The following SASH1 variants were observed in gnomAD, a reference collection of about 807,000 sequenced individuals.
The protein encoded by SASH1 is SAM and SH3 domain containing 1.
Under a neutral mutation model 125.2 loss-of-function variants are expected in SASH1, and 44 were observed. The ratio of observed to expected loss-of-function variants is 0.35; its 90% confidence interval spans 0.28 to 0.45. The LOEUF is 0.45. Ranked by LOEUF, SASH1 falls within the 20% of genes least tolerant of loss-of-function variation. The pLI is 1.00. For synonymous variants in SASH1, 639 were observed against 649.1 expected, an observed-to-expected ratio of 0.98 and a Z score of 0.24; for missense variants, 1,426 against 1,614.5, an observed-to-expected ratio of 0.88 and a Z score of 2.00.
chr6:148,290,504 G>A (rs1482823650), intron 1 of SASH1, among the ~76,000 whole-genome samples: 3 of 152,020 alleles, frequency 2.0e-5, no homozygotes, highest in African/African-American at 7.2e-5. Context: ...TACTCGGGAG[G>A]CTGAGGCAGG....
intron 1 of SASH1, among the ~76,000 whole-genome samples, chr6:148,282,919 T>C (rs2128506195): frequency 6.6e-6 from 1 of 152,244 alleles, no homozygotes; most frequent in Admixed American, 6.5e-5. Flanking sequence ...CCACTGGTTC[T>C]AAGCATAGCT....
chr6:148,411,423 C>CTGG (rs1784627439), intron 2 of SASH1, among the ~76,000 whole-genome samples: 1 of 152,190 alleles, frequency 6.6e-6, no homozygotes, highest in African/African-American at 2.4e-5. Flanking sequence ...ATCCAGTCAA[C>CTGG]ATATATTGAA....
chr6:148,229,157 A>AAAAAG, the SASH1 span, among the ~76,000 whole-genome samples: 1 of 148,524 alleles, frequency 6.7e-6, no homozygotes, highest in African/African-American at 2.5e-5. Context: ...AAAAAAAAAA[A>AAAAAG]CACTTAACTG....
At chr6:148,303,339 T>A (rs2128514700) in intron 1 of SASH1, among the ~76,000 whole-genome samples, 1 of 152,208 alleles carries the variant, frequency 6.6e-6, no homozygotes, top group South Asian at 2.1e-4. Flanking sequence ...TACATATTCA[T>A]CTCAAGCACA....
rs575612790 is a variant in SASH1 at position 148,541,787 on chromosome 6, T to C, written c.2209+1231T>C. On this transcript the variant is annotated intron_variant, in intron 17 of 19. Coordinates refer to ENST00000367467, the MANE Select transcript of SASH1 (RefSeq NM_015278.5). Reference sequence around the variant, plus strand: ...GTTTGCCTCACTCTAATTCCAATTCTAAGAAGCATCTTGGGGACCTCAGAA... The same window carrying C: ...GTTTGCCTCACTCTAATTCCAATTCCAAGAAGCATCTTGGGGACCTCAGAA... 3.3e-5 allele frequency among the ~76,000 whole-genome samples: 5 copies of C among 152,288 alleles called. No homozygotes were observed. In the East Asian group the frequency reaches 9.7e-4, roughly 29 times the overall value.
chr6:148,398,246 G>A (rs564966735), intron 2 of SASH1, among the ~76,000 whole-genome samples: 2 of 152,316 alleles, frequency 1.3e-5, no homozygotes, highest in South Asian at 2.1e-4. Flanking sequence ...TTCACAGGGC[G>A]AAACAGAATA....
chr6:148,496,028 AGTAGAGACAGG>A (rs1159018957), intron 8 of SASH1, among the ~76,000 whole-genome samples: 1 of 138,704 alleles, frequency 7.2e-6, no homozygotes, highest in Non-Finnish European at 1.6e-5. Flanking sequence ...TGTATTTTTT[AGTAGAGACAGG>A]GTTTCACCAT....
intron 16 of SASH1, among the ~76,000 whole-genome samples, chr6:148,535,200 A>G (rs548015695): frequency 4.6e-5 from 7 of 152,352 alleles, no homozygotes; most frequent in African/African-American, 1.7e-4. Context: ...CAGACATGGG[A>G]ACAAAAGAAA....
chr6:148,330,637 G>A (rs1780966349), intron 1 of SASH1, among the ~76,000 whole-genome samples: 1 of 152,070 alleles, frequency 6.6e-6, no homozygotes, highest in Admixed American at 6.6e-5. Flanking sequence ...CCAGGCTGGA[G>A]TGCAATGGCA....
intron 1 of SASH1, among the ~76,000 whole-genome samples, chr6:148,364,905 C>T (rs1782388293): frequency 6.6e-6 from 1 of 152,110 alleles, no homozygotes; most frequent in Non-Finnish European, 1.5e-5. Flanking sequence ...GACAGATCAC[C>T]TGAGGTCAGG....
At chr6:148,204,123 C>T in the SASH1 span, among the ~76,000 whole-genome samples, 701 of 152,288 alleles carry the variant, frequency 4.6e-3, 1 homozygote, top group Non-Finnish European at 5.3e-3. Flanking sequence ...GACACAGCAG[C>T]AGTTGATGAA....
rs34023266 is a variant in SASH1, at chr6:148,526,046, C to CTTT, written c.1284+709_1284+711dup. On this transcript the variant is annotated intron_variant, in intron 11 of 19. Coordinates refer to ENST00000367467, the MANE Select transcript of SASH1 (RefSeq NM_015278.5). Reference sequence around the variant, plus strand: ...TCAGACCCCAAGGGTGAAGGTGAGTCTTTTTTTTTTTTTTTTTTTTTTTTT... The same window carrying CTTT: ...TCAGACCCCAAGGGTGAAGGTGAGTCTTTTTTTTTTTTTTTTTTTTTTTTTTTT... 1.3e-3 allele frequency among the ~76,000 whole-genome samples: 70 copies of CTTT among 54,158 alleles called. 4 individuals carry two copies. The highest frequency in any genetic ancestry group is 4.7e-3 in the African/African-American group (68 of 14,370). 35.5% of individuals were successfully genotyped at this position (54,158 alleles called of 152,430 possible). A position where few individuals can be genotyped will look rare whatever the true frequency, so the allele number is the denominator to read the frequency against.
At chr6:148,299,671 G>GAAAAAAAA (rs57758957) in intron 1 of SASH1, among the ~76,000 whole-genome samples, 1 of 114,978 alleles carries the variant, frequency 8.7e-6, no homozygotes, top group African/African-American at 3.2e-5. Context: ...CACCTCAAAA[G>GAAAAAAAA]AAAAAAAAAA....
chr6:148,423,618 C>T (rs921256085), intron 2 of SASH1, among the ~76,000 whole-genome samples: 5 of 152,198 alleles, frequency 3.3e-5, no homozygotes, highest in South Asian at 2.1e-4. Flanking sequence ...TCAGTTCCGA[C>T]GTTATTTATA....
the SASH1 span, among the ~76,000 whole-genome samples, chr6:148,201,682 G>T: frequency 2.0e-5 from 3 of 152,194 alleles, no homozygotes; most frequent in Non-Finnish European, 2.9e-5. Flanking sequence ...TGCCCAGAAG[G>T]CTCCTGGGGC....
chr6:148,304,401 C>T (rs1179442973), intron 1 of SASH1, among the ~76,000 whole-genome samples: 1 of 150,574 alleles, frequency 6.6e-6, no homozygotes, highest in Non-Finnish European at 1.5e-5. Context: ...CGCCACTGCA[C>T]TCCAGCCTGG....
Position 148,544,011 on chromosome 6 carries a change from T to C in SASH1, c.2541T>C (p.Pro847=). Residue 847 remains proline (P), a synonymous_variant, in exon 18 of 20, where the codon CCT becomes CCC. Transcript: ENST00000367467. The surrounding 1 kb of genome is among the most constrained non-coding windows in gnomAD (Gnocchi z 6.4). ...SHSLDDLQVE[P]GAEQDVPTEV... ...CCCTGGATGACCTTCAAGTGGAGCCTGGTGCTGAGCAAGACGTGCCTACCG... is the reference window on the plus strand; with the variant it reads ...CCCTGGATGACCTTCAAGTGGAGCCCGGTGCTGAGCAAGACGTGCCTACCG... The C allele has an allele frequency of 6.2e-7, 1 of 1,614,092 alleles. No individual in the cohort carries two copies. Among genetic ancestry groups the C allele is most frequent in the Non-Finnish European group, 8.5e-7 (1 of 1,180,024 alleles).
intron 1 of SASH1, among the ~76,000 whole-genome samples, chr6:148,327,511 C>T (rs1780862617): frequency 6.6e-6 from 1 of 151,362 alleles, no homozygotes; most frequent in Admixed American, 6.6e-5. Context: ...TCTCGAACTC[C>T]TGACCTTGTG....
At chr6:148,415,841 T>C (rs2114924137) in intron 2 of SASH1, among the ~76,000 whole-genome samples, 1 of 152,346 alleles carries the variant, frequency 6.6e-6, no homozygotes, top group African/African-American at 2.4e-5. Context: ...CCATTAAACC[T>C]ACCCACTCAT....
Sources: gnomAD v4.1 joint callset for allele counts (sites outside exome capture counted in the v4.1 genomes callset) on GRCh38, gnomAD v4.1.1 for gene constraint, Gnocchi (gnomAD v3.1) non-coding constraint, MANE v1.5 for transcripts, NCBI Gene and HGNC (gene_info 2026-07-23, HGNC 2026-07-21) for gene names.